The following NOL4 variants were observed in gnomAD, a reference collection of about 807,000 sequenced individuals.
The protein encoded by NOL4 is cancer/testis antigen 125.
NOL4 carries 17 observed loss-of-function variants against 75.9 expected under a neutral mutation model. The observed-to-expected ratio is 0.22, with a 90% CI of 0.15 to 0.34. The LOEUF is 0.34. Ranked by LOEUF, NOL4 falls within the 10% of genes least tolerant of loss-of-function variation. The pLI, the probability that NOL4 is intolerant of heterozygous loss-of-function variation, is 1.00. For missense variants in NOL4, 614 were observed against 793.5 expected, an observed-to-expected ratio of 0.77 and a Z score of 2.72; for synonymous variants, 292 against 289.9, an observed-to-expected ratio of 1.01 and a Z score of -0.07.
chr18:33,875,893 C>T (rs1237781467), intron 10 of NOL4, among the ~76,000 whole-genome samples: 1 of 151,972 alleles, frequency 6.6e-6, no homozygotes, highest in African/African-American at 2.4e-5. Context: ...AAATGTATCT[C>T]TCAATTCAAT....
chr18:33,948,007 T>A (rs1410077499), intron 8 of NOL4, among the ~76,000 whole-genome samples: 1 of 151,914 alleles, frequency 6.6e-6, no homozygotes, highest in Non-Finnish European at 1.5e-5. Flanking sequence ...AAACTATACA[T>A]GAAATAACTT....
At chr18:33,985,460 C>A (rs370044103) in intron 6 of NOL4, among the ~76,000 whole-genome samples, 353 of 152,180 alleles carry the variant, frequency 2.3e-3, no homozygotes, top group African/African-American at 7.7e-3. Flanking sequence ...CAATCCTATA[C>A]AAATTATTTT....
chr18:33,947,970 C>T (rs896691617), intron 8 of NOL4, among the ~76,000 whole-genome samples: 1 of 151,864 alleles, frequency 6.6e-6, no homozygotes, highest in Admixed American at 6.6e-5. Context: ...ACCGTCACAC[C>T]AACAAACTTC....
intron 10 of NOL4, among the ~76,000 whole-genome samples, chr18:33,853,557 C>A (rs747494191): frequency 9.2e-5 from 14 of 152,134 alleles, no homozygotes; most frequent in Admixed American, 7.9e-4. Flanking sequence ...AGTTTGACAA[C>A]GTTTAAGTGG....
At chr18:33,892,365 A>G (rs1416236168) in intron 9 of NOL4, among the ~76,000 whole-genome samples, 1 of 152,112 alleles carries the variant, frequency 6.6e-6, no homozygotes, top group Admixed American at 6.6e-5. Flanking sequence ...CAAGAGTCTG[A>G]GACTATAGTG....
chr18:33,884,610 CTT>C (rs879544887), intron 9 of NOL4, among the ~76,000 whole-genome samples: 9 of 143,676 alleles, frequency 6.3e-5, no homozygotes, highest in Admixed American at 7.0e-5. Context: ...CATTCTTCAT[CTT>C]TTTTTTTTTT....
intron 8 of NOL4, among the ~76,000 whole-genome samples, chr18:33,952,593 T>C (rs913804427): frequency 6.6e-6 from 1 of 152,152 alleles, no homozygotes; most frequent in Non-Finnish European, 1.5e-5. Context: ...TCTCTCAGTT[T>C]CAAAAGGTCA....
At chr18:34,020,586 T>A (rs73416324) in intron 5 of NOL4, among the ~76,000 whole-genome samples, 2 of 152,232 alleles carry the variant, frequency 1.3e-5, no homozygotes, top group African/African-American at 4.8e-5. Context: ...TAGCAAAAAA[T>A]TAGAAATGAC....
chr18:34,172,130 C>G (rs373726457), intron 1 of NOL4, among the ~76,000 whole-genome samples: 10 of 152,010 alleles, frequency 6.6e-5, no homozygotes, highest in African/African-American at 2.4e-4. Context: ...ATAAGGTATT[C>G]TAACATAAAC....
At chr18:34,107,486 T>G (rs2145707521) in intron 2 of NOL4, among the ~76,000 whole-genome samples, 1 of 152,114 alleles carries the variant, frequency 6.6e-6, no homozygotes. Context: ...TTCTTGGTGT[T>G]TAGAATTCAT....
At chr18:33,941,632 TGTC>T (rs751183094) in intron 9 of NOL4, among the ~76,000 whole-genome samples, 11 of 152,090 alleles carry the variant, frequency 7.2e-5, no homozygotes, top group Non-Finnish European at 1.5e-4. Flanking sequence ...AACATGAATC[TGTC>T]ATTTAAAGTT....
At position 34,223,259 on chromosome 18, in the gene NOL4, C is replaced by A. The variant is rs936286245; in HGVS notation, c.-6G>T. On this transcript the variant is annotated 5_prime_UTR_variant, in exon 1 of 11. Coordinates refer to ENST00000261592, the MANE Select transcript of NOL4 (RefSeq NM_003787.5). ...ATGTCGCGCTCGCTCTCCATGTTCC[C>A]CGCGCTCGGCCGCTGGCCGGATGCT... 4 of 1,612,226 alleles carry A rather than the reference C, an allele frequency of 2.5e-6. No homozygotes were observed. The highest frequency in any genetic ancestry group is 3.4e-6 in the Non-Finnish European group (4 of 1,179,454).
intron 1 of NOL4, among the ~76,000 whole-genome samples, chr18:34,137,779 T>TATATACACACACAC (rs1354745785): frequency 2.7e-5 from 4 of 147,044 alleles, no homozygotes; most frequent in African/African-American, 5.0e-5. Context: ...ATATACGAAA[T>TATATACACACACAC]ACACACACAC....
At chr18:33,890,065 C>T (rs929664362) in intron 9 of NOL4, among the ~76,000 whole-genome samples, 2 of 151,990 alleles carry the variant, frequency 1.3e-5, no homozygotes, top group African/African-American at 4.8e-5. Flanking sequence ...AGAAATAAAG[C>T]ATATTCAGTT....
At chr18:33,869,181 G>A (rs1300133164) in intron 10 of NOL4, among the ~76,000 whole-genome samples, 2 of 151,562 alleles carry the variant, frequency 1.3e-5, no homozygotes, top group African/African-American at 4.8e-5. Context: ...TATTTATATA[G>A]AATACTATAA....
At chr18:34,094,827 G>A (rs2078696756) in intron 4 of NOL4, among the ~76,000 whole-genome samples, 2 of 152,140 alleles carry the variant, frequency 1.3e-5, no homozygotes, top group Admixed American at 1.3e-4. Context: ...TATAGATGAA[G>A]AAATTGAGGC....
intron 1 of NOL4, among the ~76,000 whole-genome samples, chr18:34,192,703 T>C (rs750492882): frequency 1.3e-5 from 2 of 152,228 alleles, no homozygotes; most frequent in Non-Finnish European, 2.9e-5. Context: ...TGCTATTGCT[T>C]AAATGTGTCT....
At chr18:34,078,237 C>T (rs938053383) in intron 5 of NOL4, among the ~76,000 whole-genome samples, 2 of 152,022 alleles carry the variant, frequency 1.3e-5, no homozygotes, top group African/African-American at 2.4e-5. Flanking sequence ...GGATGGTGGT[C>T]GTAACCCTAT....
intron 6 of NOL4, among the ~76,000 whole-genome samples, chr18:33,982,749 T>A (rs1438398426): frequency 6.7e-6 from 1 of 148,830 alleles, no homozygotes; most frequent in Non-Finnish European, 1.5e-5. Flanking sequence ...GGGATTTTTT[T>A]TTTTTTTTTT....
Sources: allele counts gnomAD v4.1 joint callset (sites outside exome capture counted in the v4.1 genomes callset), GRCh38; gene constraint gnomAD v4.1.1; transcripts MANE v1.5; gene names NCBI Gene and HGNC (gene_info 2026-07-23, HGNC 2026-07-21).